IL1RAPL2: variants seen among roughly 807,000 people sequenced by gnomAD.
IL1RAPL2 encodes interleukin 1 receptor accessory protein like 2.
A neutral mutation model predicts 44.1 loss-of-function variants in IL1RAPL2; 3 were observed. The ratio of observed to expected loss-of-function variants is 0.07; its 90% confidence interval spans 0.03 to 0.18. The LOEUF (loss-of-function observed/expected upper bound fraction) is 0.18, where lower values mean the gene tolerates loss of function less well. Ranked by LOEUF, IL1RAPL2 falls within the 10% of genes least tolerant of loss-of-function variation. The pLI is 1.00. For synonymous variants in IL1RAPL2, 181 were observed against 178.8 expected, an observed-to-expected ratio of 1.01 and a Z score of -0.10; for missense variants, 391 against 496.4, an observed-to-expected ratio of 0.79 and a Z score of 2.02.
intron 2 of IL1RAPL2, among the ~76,000 whole-genome samples, chrX:104,893,270 G>T (rs1041828300): frequency 8.9e-5 from 10 of 112,142 alleles, no homozygotes; most frequent in Non-Finnish European, 1.9e-4. Flanking sequence ...GTATTCTGTT[G>T]ATTTGGGGTG....
chrX:105,144,214 C>G (rs987423908), intron 2 of IL1RAPL2, among the ~76,000 whole-genome samples: 3 of 107,353 alleles, frequency 2.8e-5, no homozygotes, highest in African/African-American at 6.8e-5. Flanking sequence ...CTTTCCTGTG[C>G]TCTTGGCTGA....
At chrX:105,313,746 A>G (rs1435046581) in intron 5 of IL1RAPL2, among the ~76,000 whole-genome samples, 1 of 111,716 alleles carries the variant, frequency 9.0e-6, no homozygotes, top group Non-Finnish European at 1.9e-5. Context: ...AGGACATGTG[A>G]ATGTAGATGA....
intron 2 of IL1RAPL2, among the ~76,000 whole-genome samples, chrX:105,096,117 C>T (rs1416113555): frequency 9.0e-6 from 1 of 111,539 alleles, no homozygotes; most frequent in Non-Finnish European, 1.9e-5. Context: ...TAGGGAAACA[C>T]AAAGTAAAAT....
intron 1 of IL1RAPL2, among the ~76,000 whole-genome samples, chrX:104,637,839 T>C (rs1464858535): frequency 9.1e-6 from 1 of 109,855 alleles, no homozygotes; most frequent in African/African-American, 3.3e-5. Flanking sequence ...TGTCTGTGTG[T>C]GTGATTATAT....
At chrX:105,214,587 G>T (rs2147621539) in intron 3 of IL1RAPL2, among the ~76,000 whole-genome samples, 1 of 111,203 alleles carries the variant, frequency 9.0e-6, no homozygotes, top group East Asian at 2.8e-4. Flanking sequence ...AATTAACAAA[G>T]ATATTCAGGA....
chrX:104,837,478 CTGA>C (rs1243652368), intron 2 of IL1RAPL2, among the ~76,000 whole-genome samples: 1 of 112,083 alleles, frequency 8.9e-6, no homozygotes, highest in African/African-American at 3.2e-5. Context: ...CTAATGATCA[CTGA>C]TGATGAGCTT....
intron 2 of IL1RAPL2, among the ~76,000 whole-genome samples, chrX:104,777,217 TCCCC>T (rs1233912985): frequency 1.8e-5 from 2 of 110,269 alleles, no homozygotes; most frequent in Non-Finnish European, 3.8e-5. Flanking sequence ...CTATCCACCC[TCCCC>T]CTACCCACTG....
rs1242681687 is a variant in IL1RAPL2, at chrX:105,231,055, A to AT, written c.357-2757dup. On this transcript the variant is annotated intron_variant, in intron 3 of 10. Coordinates refer to ENST00000372582, the MANE Select transcript of IL1RAPL2 (RefSeq NM_017416.2). ...TGGAGGTATAACATAATAATTGAAA[A>AT]TTTTTTAACAAGTATGTCTCTTTCA... is the stretch of plus-strand genomic sequence containing the variant. Among the ~76,000 whole-genome samples the AT allele has an allele frequency of 6.1e-4, 68 of 111,908 alleles. 1 individual carries two copies. The highest frequency in any genetic ancestry group is 3.0e-4 in the Non-Finnish European group (16 of 53,156).
chrX:104,636,450 A>C (rs1438752402), intron 1 of IL1RAPL2, among the ~76,000 whole-genome samples: 1 of 112,371 alleles, frequency 8.9e-6, no homozygotes, highest in Non-Finnish European at 1.9e-5. Flanking sequence ...GGTGGAGTCT[A>C]CAGATGCAGG....
intron 2 of IL1RAPL2, among the ~76,000 whole-genome samples, chrX:104,880,833 A>G (rs1923047649): frequency 1.8e-5 from 2 of 112,141 alleles, no homozygotes. Context: ...GTGCAATAGA[A>G]TAAGCAATCC....
intron 2 of IL1RAPL2, among the ~76,000 whole-genome samples, chrX:105,057,174 A>C (rs2032005211): frequency 8.9e-6 from 1 of 112,161 alleles, no homozygotes; most frequent in African/African-American, 3.2e-5. Flanking sequence ...TTTGTTAGAC[A>C]ATTCAATTAC....
chrX:104,931,929 G>A (rs934798109), intron 2 of IL1RAPL2, among the ~76,000 whole-genome samples: 3 of 105,199 alleles, frequency 2.9e-5, no homozygotes, highest in Non-Finnish European at 5.8e-5. Flanking sequence ...CAGACTCACA[G>A]ATATGTGGGA....
At chrX:105,621,683 G>T (rs2147831311) in intron 6 of IL1RAPL2, among the ~76,000 whole-genome samples, 1 of 111,380 alleles carries the variant, frequency 9.0e-6, no homozygotes, top group Non-Finnish European at 1.9e-5. Flanking sequence ...AGGGAAGGGG[G>T]ATATGTATAG....
intron 2 of IL1RAPL2, among the ~76,000 whole-genome samples, chrX:104,905,574 T>C (rs1309267557): frequency 1.8e-5 from 2 of 111,860 alleles, no homozygotes; most frequent in Non-Finnish European, 3.8e-5. Flanking sequence ...CTTTCCCCAT[T>C]GCTTGTTTTT....
chrX:105,497,339 A>G (rs2036363183), intron 6 of IL1RAPL2, among the ~76,000 whole-genome samples: 1 of 111,292 alleles, frequency 9.0e-6, no homozygotes, highest in Non-Finnish European at 1.9e-5. Context: ...TGAACCAGAA[A>G]GATGTAGAAA....
At chrX:105,234,658 A>T (rs142833516) in intron 4 of IL1RAPL2, among the ~76,000 whole-genome samples, 4,386 of 110,021 alleles carry the variant, frequency 0.04, 219 homozygotes, top group African/African-American at 0.14. Context: ...AAATATAAAA[A>T]TTAGCTGGGC....
At chrX:105,132,574 G>T (rs2033038637) in intron 2 of IL1RAPL2, among the ~76,000 whole-genome samples, 1 of 111,473 alleles carries the variant, frequency 9.0e-6, no homozygotes, top group Non-Finnish European at 1.9e-5. Flanking sequence ...GCAACAGAAA[G>T]ATAGCTAAGA....
chrX:105,050,604 T>C (rs2031906529), intron 2 of IL1RAPL2, among the ~76,000 whole-genome samples: 1 of 111,957 alleles, frequency 8.9e-6, no homozygotes, highest in African/African-American at 3.3e-5. Flanking sequence ...ATCTTTGGGG[T>C]GTCGATTTTC....
chrX:105,106,988 T>C (rs1219096276), intron 2 of IL1RAPL2, among the ~76,000 whole-genome samples: 1 of 111,978 alleles, frequency 8.9e-6, no homozygotes, highest in Non-Finnish European at 1.9e-5. Context: ...CACAGACTCA[T>C]ACACAACTGA....
Sources: allele counts gnomAD v4.1 joint callset (sites outside exome capture counted in the v4.1 genomes callset), GRCh38; gene constraint gnomAD v4.1.1; transcripts MANE v1.5; gene names NCBI Gene and HGNC (gene_info 2026-07-23, HGNC 2026-07-21).